Variants in EXT1 observed in about 807,000 individuals in gnomAD.
The protein encoded by EXT1 is exostosin glycosyltransferase 1, also known as exostosin-1.
A neutral mutation model predicts 82.5 loss-of-function variants in EXT1; 20 were observed. The observed-to-expected ratio is 0.24, with a 90% CI of 0.17 to 0.35. EXT1 has a LOEUF of 0.35. Ranked by LOEUF, EXT1 falls within the 10% of genes least tolerant of loss-of-function variation. The pLI, the probability that EXT1 is intolerant of heterozygous loss-of-function variation, is 1.00. For missense variants in EXT1, 757 were observed against 936.5 expected (o/e 0.81, Z 2.50); for synonymous variants, 348 against 350.8 (o/e 0.99, Z 0.09).
chr8:117,813,482 A>G (rs560358890), intron 7 of EXT1, among the ~76,000 whole-genome samples: 4 of 147,304 alleles, frequency 2.7e-5, no homozygotes, highest in Non-Finnish European at 6.1e-5. Flanking sequence ...ACTCTTCCCA[A>G]CCGAAAGAGT....
chr8:117,951,950 T>C (rs975729029), intron 1 of EXT1, among the ~76,000 whole-genome samples: 1 of 152,238 alleles, frequency 6.6e-6, no homozygotes, highest in African/African-American at 2.4e-5. Flanking sequence ...CAAGCTACCA[T>C]GGCAGAATTG....
At position 117,858,766 on chromosome 8, in the gene EXT1, A is replaced by AAGGCAGGC. The variant is rs71303472; in HGVS notation, c.963-21573_963-21566dup. Among the ~76,000 whole-genome samples, 209 of 54,416 alleles carry AAGGCAGGC rather than the reference A, an allele frequency of 3.8e-3. 5 individuals carry two copies. Among genetic ancestry groups the AAGGCAGGC allele is most frequent in the Admixed American group, 4.8e-3 (26 of 5,414 alleles). The allele number at this position is 54,416 out of a possible 152,430, so 35.7% of individuals were successfully genotyped here. A position where few individuals can be genotyped will look rare whatever the true frequency, so the allele number is the denominator to read the frequency against. The stretch of plus-strand genomic sequence containing the variant: ...GAAGGAAGGAAGGAAGGAAGGAAGG[A>AAGGCAGGC]AGGCAGGCAGGCAGGCAGGCAGGCA... On this transcript the variant is annotated intron_variant, in intron 1 of 10. Coordinates refer to ENST00000378204, the MANE Select transcript of EXT1 (RefSeq NM_000127.3).
intron 1 of EXT1, among the ~76,000 whole-genome samples, chr8:118,071,952 T>C (rs929923537): frequency 2.6e-5 from 4 of 152,154 alleles, no homozygotes; most frequent in African/African-American, 9.7e-5. Flanking sequence ...AGGTCCTAAT[T>C]ACACAGGTGA....
chr8:117,799,567 C>CA lies in EXT1; in HGVS notation c.*144_*145insT. On this transcript the variant is annotated 3_prime_UTR_variant, in exon 11 of 11. Transcript: ENST00000378204. Reference sequence around the variant, plus strand: ...AGCCAGGAGTTGAGTTCTCATTGGCCTTTTTTTTTTTGTCATTCTGCTCAT... The same window carrying CA: ...AGCCAGGAGTTGAGTTCTCATTGGCCATTTTTTTTTTTGTCATTCTGCTCAT... The CA allele has an allele frequency of 2.5e-6, 2 of 788,700 alleles. No individual in the cohort carries two copies. Among genetic ancestry groups the CA allele is most frequent in the South Asian group, 1.8e-5 (1 of 54,460 alleles). 48.9% of individuals were successfully genotyped at this position (788,700 alleles called of 1,614,324 possible).
chr8:117,870,869 A>G (rs1039898588), intron 1 of EXT1, among the ~76,000 whole-genome samples: 1 of 145,584 alleles, frequency 6.9e-6, no homozygotes, highest in African/African-American at 2.8e-5. Context: ...AGGAATAAAA[A>G]ACATATTTTT....
At position 117,800,031 on chromosome 8, in the gene EXT1, T is replaced by C. The variant is rs1823142104; in HGVS notation, c.2056-134A>G. ...CTGGCCCGGCCACCAAGTCTCACCA[T>C]CTATGCACCTGCTGAAAATGCAATC... On this transcript the variant is annotated intron_variant, in intron 10 of 10. Coordinates refer to ENST00000378204, the MANE Select transcript of EXT1 (RefSeq NM_000127.3). The C allele has an allele frequency of 4.8e-6, 4 of 830,532 alleles. No individual in the cohort carries two copies. In the East Asian group the frequency reaches 1.1e-4, roughly 22 times the overall value. 51.4% of individuals were successfully genotyped at this position (830,532 alleles called of 1,614,324 possible).
chr8:118,047,159 A>C (rs77276895), intron 1 of EXT1, among the ~76,000 whole-genome samples: 1 of 151,984 alleles, frequency 6.6e-6, no homozygotes, highest in Non-Finnish European at 1.5e-5. Context: ...ACTAAATCCA[A>C]CTCCAGGGGA....
chr8:117,807,070 C>T (rs1325402016), intron 9 of EXT1, 147 bp downstream of exon 9: 63 of 894,292 alleles, frequency 7.0e-5, no homozygotes, highest in Non-Finnish European at 5.4e-6. Flanking sequence ...CAAAAACACA[C>T]ATTTGACACA....
chr8:117,887,670 T>G (rs1813171360), intron 1 of EXT1, among the ~76,000 whole-genome samples: 1 of 111,162 alleles, frequency 9.0e-6, no homozygotes, highest in Admixed American at 1.1e-4. Flanking sequence ...CTCTTTCTAT[T>G]CATTAGTTTC....
chr8:117,891,957 C>CTACCACACCCGGCT (rs1274635257), intron 1 of EXT1, among the ~76,000 whole-genome samples: 1 of 152,050 alleles, frequency 6.6e-6, no homozygotes, highest in African/African-American at 2.4e-5. Context: ...CAGGCACAGG[C>CTACCACACCCGGCT]TACCACACCC....
In EXT1 at chr8:117,796,026, T is replaced by A. The variant is rs1823084171; in HGVS notation, c.*3686A>T. 6.6e-6 allele frequency: 1 copy of A among 152,190 alleles called. No individual in the cohort carries two copies. The highest frequency in any genetic ancestry group is 1.5e-5 in the Non-Finnish European group (1 of 68,036). The allele number at this position is 152,190 out of a possible 1,614,324, so 9.4% of individuals were successfully genotyped here. A position where few individuals can be genotyped will look rare whatever the true frequency, so the allele number is the denominator to read the frequency against. On this transcript the variant is annotated 3_prime_UTR_variant, in exon 11 of 11. Transcript: ENST00000378204. ...AAGAATGACAAAACCAACTGAAAGG[T>A]TCTTGTCCATAGTCGCTGTAAAGGG...
At chr8:118,052,059 T>C (rs1816726701) in intron 1 of EXT1, among the ~76,000 whole-genome samples, 1 of 152,210 alleles carries the variant, frequency 6.6e-6, no homozygotes, top group Non-Finnish European at 1.5e-5. Flanking sequence ...CTTTGCCCTC[T>C]TCATGCCCTT....
intron 1 of EXT1, among the ~76,000 whole-genome samples, chr8:118,076,123 A>T (rs1027694675): frequency 1.3e-5 from 2 of 152,040 alleles, no homozygotes; most frequent in Non-Finnish European, 2.9e-5. Flanking sequence ...TTCCAAAAGA[A>T]CCTCCCAGAA....
intron 1 of EXT1, among the ~76,000 whole-genome samples, chr8:117,979,392 CA>C (rs1211622338): frequency 2.0e-5 from 3 of 150,792 alleles, no homozygotes; most frequent in African/African-American, 2.4e-5. Context: ...AAAAACAAAA[CA>C]AAAAAAGATC....
At chr8:118,050,461 A>G (rs896739997) in intron 1 of EXT1, among the ~76,000 whole-genome samples, 1 of 152,156 alleles carries the variant, frequency 6.6e-6, no homozygotes, top group African/African-American at 2.4e-5. Flanking sequence ...TGCTCTTTCT[A>G]TTACTGATGA....
At chr8:117,948,280 G>C (rs979939433) in intron 1 of EXT1, among the ~76,000 whole-genome samples, 2 of 135,396 alleles carry the variant, frequency 1.5e-5, no homozygotes, top group Non-Finnish European at 3.0e-5. Flanking sequence ...CATGCACAGC[G>C]AGGTGAGAGG....
chr8:118,078,067 A>G (rs1199904987), intron 1 of EXT1, among the ~76,000 whole-genome samples: 1 of 152,190 alleles, frequency 6.6e-6, no homozygotes, highest in East Asian at 1.9e-4. Context: ...ATTTTTTAAA[A>G]CAAATTTTTT....
intron 3 of EXT1, 135 bp downstream of exon 3, chr8:117,835,309 C>T: frequency 1.4e-6 from 1 of 711,418 alleles, no homozygotes; most frequent in Middle Eastern, 2.4e-4. Context: ...ACTTCATATT[C>T]ACCATGACAC....
At chr8:117,902,814 A>G (rs1219039795) in intron 1 of EXT1, among the ~76,000 whole-genome samples, 1 of 152,190 alleles carries the variant, frequency 6.6e-6, no homozygotes, top group East Asian at 1.9e-4. Context: ...TTTAACACAC[A>G]TTATCTTCAA....
Sources: gnomAD v4.1 joint callset for allele counts (sites outside exome capture counted in the v4.1 genomes callset) on GRCh38, gnomAD v4.1.1 for gene constraint, MANE v1.5 for transcripts, NCBI Gene and HGNC (gene_info 2026-07-23, HGNC 2026-07-21) for gene names.